ZC3H3: variants seen among roughly 807,000 people sequenced by gnomAD.
The protein encoded by ZC3H3 is zinc finger CCCH domain-containing protein 3.
Under a neutral mutation model 77.3 loss-of-function variants are expected in ZC3H3, and 36 were observed. The observed-to-expected ratio is 0.47, with a 90% CI of 0.36 to 0.61. The LOEUF is 0.61. Among genes scored for constraint, ZC3H3 ranks in the 20% least tolerant of loss-of-function variants. The pLI, the probability that ZC3H3 is intolerant of heterozygous loss-of-function variation, is 0.00. For missense variants in ZC3H3, 1,331 were observed against 1,312.2 expected, an observed-to-expected ratio of 1.01 and a Z score of -0.22; for synonymous variants, 626 against 555.2, an observed-to-expected ratio of 1.13 and a Z score of -1.79.
At chr8:143,508,104 GCAGCCTCTGAGAGGCGGGCAC>G (rs1322297162) in intron 3 of ZC3H3, among the ~76,000 whole-genome samples, 3 of 152,372 alleles carry the variant, frequency 2.0e-5, no homozygotes, top group African/African-American at 7.2e-5. Context: ...GCTAGCCAGT[GCAGCCTCTGAGAGGCGGGCAC>G]CAGCCCCGCA....
At chr8:143,526,127 G>A (rs1312396867) in intron 3 of ZC3H3, among the ~76,000 whole-genome samples, 2 of 152,246 alleles carry the variant, frequency 1.3e-5, no homozygotes, top group Non-Finnish European at 2.9e-5. Flanking sequence ...GCCACAGAGG[G>A]CACTGACTTC....
chr8:143,464,989 G>A (rs1455865102), intron 9 of ZC3H3, among the ~76,000 whole-genome samples: 5 of 152,152 alleles, frequency 3.3e-5, no homozygotes, highest in East Asian at 1.9e-4. Context: ...TGCTTGTGGC[G>A]GGGAGTCCTG....
In ZC3H3 at chr8:143,465,818, T is replaced by C. The variant is rs770250425; in HGVS notation, c.2206A>G (p.Ile736Val). ...MPVCSYFLKG[I>V]CSNSNCPYSH... ...TAGGGACAGTTGCTGTTGCTGCAGA[T>C]GCCCTTCAGGAAGTAGGAGCACACC... Residue 736 changes from isoleucine (I) to valine (V), a missense_variant, in exon 9 of 12, where the codon ATC becomes GTC. Transcript: ENST00000262577. 1.2e-5 allele frequency: 20 copies of C among 1,613,066 alleles called. No homozygotes were observed. In the African/African-American group the frequency reaches 1.9e-4, roughly 15 times the overall value.
At chr8:143,520,124 A>G (rs1030799606) in intron 3 of ZC3H3, among the ~76,000 whole-genome samples, 2 of 152,164 alleles carry the variant, frequency 1.3e-5, no homozygotes, top group Non-Finnish European at 2.9e-5. Flanking sequence ...GGGTGCCCAG[A>G]GCTCTGCAGG....
chr8:143,460,049 C>A lies in ZC3H3; in HGVS notation c.2307+5668G>T, dbSNP rs1386002042. 6.6e-6 allele frequency among the ~76,000 whole-genome samples: 1 copy of A among 151,718 alleles called. No homozygotes were observed. The highest frequency in any genetic ancestry group is 1.5e-5 in the Non-Finnish European group (1 of 68,012). On this transcript the variant is annotated intron_variant, in intron 9 of 11. Coordinates refer to ENST00000262577, the MANE Select transcript of ZC3H3 (RefSeq NM_015117.3). This position sits in a 1 kb window ranked among gnomAD's most constrained non-coding sequence, Gnocchi z 4.0. ...ATCATCTGAGGTCACGAGTTTGAGA[C>A]CAGCCTGGCCCCATGGTGTGACCCT...
Position 143,539,200 on chromosome 8 carries a change from C to G in ZC3H3, c.167G>C (p.Arg56Pro), listed in dbSNP as rs139762891. ...GGAAGAGTAGCCCCTCCGGCTTGGACGAGGGTAGCGGGCACTAAAGGCTCT... is the reference window on the plus strand; with the variant it reads ...GGAAGAGTAGCCCCTCCGGCTTGGAGGAGGGTAGCGGGCACTAAAGGCTCT... Reference protein sequence around the residue: ...SGRAFSARYPRPSRRGYSSHH... With the variant: ...SGRAFSARYPPPSRRGYSSHH... The change falls in exon 2 of 12, where the codon CGT becomes CCT. Residue 56 changes from arginine (R) to proline (P), a missense_variant. This residue lies in a region of ZC3H3 where 978 missense variants were observed against 915.5 expected (regional missense o/e 1.07). Coordinates refer to ENST00000262577, the MANE Select transcript of ZC3H3 (RefSeq NM_015117.3). 6.2e-7 allele frequency: 1 copy of G among 1,612,914 alleles called. No individual in the cohort carries two copies. Among genetic ancestry groups the G allele is most frequent in the Non-Finnish European group, 8.5e-7 (1 of 1,180,026 alleles).
chr8:143,512,874 G>A (rs912480513), intron 3 of ZC3H3, among the ~76,000 whole-genome samples: 2 of 152,234 alleles, frequency 1.3e-5, no homozygotes, highest in Non-Finnish European at 2.9e-5. Context: ...TCAGTGGCGC[G>A]GGGAGGTACA....
At chr8:143,469,206 C>T (rs1820496230) in intron 5 of ZC3H3, among the ~76,000 whole-genome samples, 1 of 152,264 alleles carries the variant, frequency 6.6e-6, no homozygotes, top group South Asian at 2.1e-4. Flanking sequence ...AACAGCAGCA[C>T]CTCCCTCTGC....
chr8:143,537,582 G>C (rs1196065533), intron 2 of ZC3H3, among the ~76,000 whole-genome samples: 1 of 152,238 alleles, frequency 6.6e-6, no homozygotes, highest in Non-Finnish European at 1.5e-5. Context: ...GGCAGGTCCA[G>C]GCCAGGGGCA....
At chr8:143,518,271 C>A (rs557591086) in intron 3 of ZC3H3, among the ~76,000 whole-genome samples, 27 of 152,336 alleles carry the variant, frequency 1.8e-4, no homozygotes, top group Middle Eastern at 3.4e-3. Flanking sequence ...TCCCAGCCCA[C>A]CCCTGACCTT....
At chr8:143,541,044 TG>T (rs1822995321) in intron 1 of ZC3H3, among the ~76,000 whole-genome samples, 1 of 152,168 alleles carries the variant, frequency 6.6e-6, no homozygotes, top group African/African-American at 2.4e-5. Flanking sequence ...AGCCCCGCAG[TG>T]GGGCGCGGGG....
intron 9 of ZC3H3, among the ~76,000 whole-genome samples, chr8:143,461,863 G>A (rs1249371607): frequency 6.6e-6 from 1 of 152,026 alleles, no homozygotes; most frequent in Non-Finnish European, 1.5e-5. Context: ...GAAAACAACT[G>A]AAAGCTGCGC....
At chr8:143,480,949 G>A (rs1210037461) in intron 4 of ZC3H3, among the ~76,000 whole-genome samples, 4 of 152,206 alleles carry the variant, frequency 2.6e-5, no homozygotes, top group African/African-American at 9.7e-5. Flanking sequence ...AGGATGCCCC[G>A]GCGGGACACA....
chr8:143,478,595 C>T (rs1341117607), intron 4 of ZC3H3, among the ~76,000 whole-genome samples: 3 of 152,208 alleles, frequency 2.0e-5, no homozygotes, highest in East Asian at 1.9e-4. Flanking sequence ...CTGCAACCTC[C>T]GCCTCCCGGG....
Position 143,530,959 on chromosome 8 carries a change from T to TC in ZC3H3, c.1561+5297_1561+5298insG. ...TTCTGGGGCTGTCTTCTATCTCCTT[T>TC]TTTTTTTTTTTTTTTTTTGAGACAG... On this transcript the variant is annotated intron_variant, in intron 3 of 11. Transcript: ENST00000262577. This position sits in a 1 kb window ranked among gnomAD's most constrained non-coding sequence, Gnocchi z 4.3. Among the ~76,000 whole-genome samples, 1 of 140,934 alleles carries TC rather than the reference T, an allele frequency of 7.1e-6. No individual in the cohort carries two copies. The highest frequency in any genetic ancestry group is 2.2e-4 in the South Asian group (1 of 4,554). The allele number at this position is 140,934 out of a possible 152,430, so 92.5% of individuals were successfully genotyped here. A position where few individuals can be genotyped will look rare whatever the true frequency, so the allele number is the denominator to read the frequency against.
intron 3 of ZC3H3, among the ~76,000 whole-genome samples, chr8:143,512,462 G>C (rs890939012): frequency 6.6e-6 from 1 of 152,264 alleles, no homozygotes; most frequent in African/African-American, 2.4e-5. Context: ...TTCTGAGGCG[G>C]TGCCAACTCT....
intron 8 of ZC3H3, among the ~76,000 whole-genome samples, chr8:143,466,926 T>G (rs920883247): frequency 6.6e-6 from 1 of 152,038 alleles, no homozygotes. Flanking sequence ...AAGTCACTTT[T>G]CTGGGGCAAG....
At chr8:143,453,112 C>CA (rs1820028388) in intron 9 of ZC3H3, among the ~76,000 whole-genome samples, 1 of 152,230 alleles carries the variant, frequency 6.6e-6, no homozygotes, top group South Asian at 2.1e-4. Context: ...TTTTTTGAGA[C>CA]AGGGTCTCAC....
At chr8:143,481,826 C>G (rs1439729089) in intron 4 of ZC3H3, among the ~76,000 whole-genome samples, 1 of 152,258 alleles carries the variant, frequency 6.6e-6, no homozygotes, top group African/African-American at 2.4e-5. Flanking sequence ...GGGGCCTCAT[C>G]AGCCTCCACT....
Sources: gnomAD v4.1 joint callset for allele counts (sites outside exome capture counted in the v4.1 genomes callset) on GRCh38, gnomAD v4.1.1 for gene constraint, gnomAD v4.1.1 regional missense constraint, Gnocchi (gnomAD v3.1) non-coding constraint, MANE v1.5 for transcripts, NCBI Gene and HGNC (gene_info 2026-07-23, HGNC 2026-07-21) for gene names.